Variants in ZBTB16 observed in about 807,000 individuals in gnomAD.
The protein encoded by ZBTB16 is zinc finger and BTB domain containing 16, also known as zinc finger and BTB domain-containing protein 16.
ZBTB16 carries 8 observed loss-of-function variants against 56.8 expected under a neutral mutation model. The ratio of observed to expected loss-of-function variants is 0.14; its 90% CI spans 0.08 to 0.25. The LOEUF (loss-of-function observed/expected upper bound fraction) is 0.25, where lower values mean the gene tolerates loss of function less well. Among genes scored for constraint, ZBTB16 ranks in the 10% least tolerant of loss-of-function variants. ZBTB16 has a pLI of 1.00. For synonymous variants in ZBTB16, 363 were observed against 368.5 expected (o/e 0.98, Z 0.17); for missense variants, 625 against 903.0 (o/e 0.69, Z 3.95).
chr11:114,157,377 G>GGT (rs1272218910), intron 3 of ZBTB16, among the ~76,000 whole-genome samples: 2 of 152,202 alleles, frequency 1.3e-5, no homozygotes, highest in Non-Finnish European at 2.9e-5. Flanking sequence ...GTCAAGTGCT[G>GGT]GTGTTGTTAA....
intron 2 of ZBTB16, among the ~76,000 whole-genome samples, chr11:114,112,220 A>G (rs886638399): frequency 6.6e-6 from 1 of 152,172 alleles, no homozygotes; most frequent in Non-Finnish European, 1.5e-5. Flanking sequence ...TGTCAAATGC[A>G]TGGCAAAGAT....
At chr11:114,096,323 G>A (rs1357254954) in intron 2 of ZBTB16, among the ~76,000 whole-genome samples, 2 of 152,144 alleles carry the variant, frequency 1.3e-5, no homozygotes, top group South Asian at 2.1e-4. Flanking sequence ...TATTATTTCT[G>A]ATTTGTGGTA....
intron 2 of ZBTB16, among the ~76,000 whole-genome samples, chr11:114,072,169 C>G (rs187018643): frequency 1.3e-5 from 2 of 152,222 alleles, no homozygotes; most frequent in East Asian, 1.9e-4. Flanking sequence ...TCCCTGAGAC[C>G]GTTCTTCCGC....
intron 2 of ZBTB16, among the ~76,000 whole-genome samples, chr11:114,149,921 GTGGT>G (rs1306938955): frequency 6.6e-5 from 10 of 152,176 alleles, no homozygotes; most frequent in Non-Finnish European, 1.5e-4. Flanking sequence ...TTGTCTTAGG[GTGGT>G]TGGAAATTGC....
intron 4 of ZBTB16, among the ~76,000 whole-genome samples, chr11:114,234,176 T>A (rs3781989): frequency 0.054 from 8,259 of 152,066 alleles, 346 homozygotes; most frequent in Admixed American, 0.13. Context: ...TCTACGCAGA[T>A]AAGAAAGGAA....
rs184711244 is a variant in ZBTB16 at position 114,252,106 on chromosome 11, C to T, written c.*1551C>T. On this transcript the variant is annotated 3_prime_UTR_variant, in exon 7 of 7. Transcript: ENST00000335953. ...ATCTGAATGTGAGGGCCGAGGAGGGCGAAGAGCGTGGGTGGGGAGGGGATG... is the reference window on the plus strand; with the variant it reads ...ATCTGAATGTGAGGGCCGAGGAGGGTGAAGAGCGTGGGTGGGGAGGGGATG... Among the ~76,000 whole-genome samples, 62 of 152,166 alleles carry T rather than the reference C, an allele frequency of 4.1e-4. No homozygotes were observed. The highest frequency in any genetic ancestry group is 1.3e-3 in the African/African-American group (53 of 41,538).
intron 4 of ZBTB16, among the ~76,000 whole-genome samples, chr11:114,208,584 C>T (rs1449086673): frequency 6.6e-6 from 1 of 152,164 alleles, no homozygotes; most frequent in Non-Finnish European, 1.5e-5. Flanking sequence ...CTGTCATGGG[C>T]TCTGGCTTCA....
At chr11:114,237,263 C>G (rs1003990058) in intron 4 of ZBTB16, 2 of 152,180 alleles carry the variant, frequency 1.3e-5, no homozygotes, top group African/African-American at 4.8e-5. Context: ...ATATCTCATT[C>G]GATGTTCTTG....
intron 2 of ZBTB16, among the ~76,000 whole-genome samples, chr11:114,094,690 A>T (rs973658256): frequency 4.6e-5 from 7 of 152,218 alleles, no homozygotes; most frequent in Non-Finnish European, 8.8e-5. Flanking sequence ...TTGTGGATGG[A>T]TGTGGCTCTT....
chr11:114,129,404 C>T (rs761918164), intron 2 of ZBTB16, among the ~76,000 whole-genome samples: 2 of 152,226 alleles, frequency 1.3e-5, no homozygotes, highest in Admixed American at 6.5e-5. Context: ...TTTACTAAAA[C>T]GATGCCCCTT....
chr11:114,082,760 C>T (rs910769377), intron 2 of ZBTB16, among the ~76,000 whole-genome samples: 1 of 151,490 alleles, frequency 6.6e-6, no homozygotes, highest in Non-Finnish European at 1.5e-5. Context: ...GGGAGAGGGG[C>T]CTGGGGAGAG....
chr11:114,115,872 C>T (rs1309251430), intron 2 of ZBTB16, among the ~76,000 whole-genome samples: 4 of 152,268 alleles, frequency 2.6e-5, no homozygotes, highest in Admixed American at 6.5e-5. Context: ...TGGCTCCCAG[C>T]GAGCATGCGT....
intron 4 of ZBTB16, among the ~76,000 whole-genome samples, chr11:114,233,160 C>G (rs1944494783): frequency 6.7e-6 from 1 of 148,898 alleles, no homozygotes; most frequent in Non-Finnish European, 1.5e-5. Context: ...CCTTCTTCCT[C>G]TGCTTGCTCT....
At chr11:114,103,662 G>A (rs1940692947) in intron 2 of ZBTB16, among the ~76,000 whole-genome samples, 1 of 152,064 alleles carries the variant, frequency 6.6e-6, no homozygotes, top group Admixed American at 6.5e-5. Flanking sequence ...CTAAACCTCT[G>A]CACACAGGAT....
intron 4 of ZBTB16, among the ~76,000 whole-genome samples, chr11:114,197,759 C>T (rs11214897): frequency 0.18 from 26,741 of 151,994 alleles, 2,897 homozygotes; most frequent in Middle Eastern, 0.32. Context: ...CTCGCTCTGT[C>T]GCCCAGGCTG....
At chr11:114,245,002 G>A (rs535988295) in intron 5 of ZBTB16, among the ~76,000 whole-genome samples, 3 of 152,296 alleles carry the variant, frequency 2.0e-5, no homozygotes, top group Admixed American at 1.3e-4. Flanking sequence ...AGTCGTAATC[G>A]TTGCCGATTC....
intron 4 of ZBTB16, among the ~76,000 whole-genome samples, chr11:114,239,804 G>A (rs1412307292): frequency 1.3e-5 from 2 of 152,214 alleles, no homozygotes; most frequent in Non-Finnish European, 2.9e-5. Flanking sequence ...CTCTTCCAGG[G>A]TAAGCCCAGA....
intron 2 of ZBTB16, among the ~76,000 whole-genome samples, chr11:114,132,784 C>A (rs1394332928): frequency 6.6e-6 from 1 of 152,110 alleles, no homozygotes; most frequent in African/African-American, 2.4e-5. Context: ...ACGGATTACT[C>A]CATCTGCTGC....
At chr11:114,164,242 G>A (rs1300133678) in intron 3 of ZBTB16, among the ~76,000 whole-genome samples, 1 of 152,088 alleles carries the variant, frequency 6.6e-6, no homozygotes. Flanking sequence ...GGAAGAAAGT[G>A]GAAATTATGT....
Sources: allele counts gnomAD v4.1 joint callset (sites outside exome capture counted in the v4.1 genomes callset), GRCh38; gene constraint gnomAD v4.1.1; transcripts MANE v1.5; gene names NCBI Gene and HGNC (gene_info 2026-07-23, HGNC 2026-07-21).